CCSER1: variants seen among roughly 807,000 people sequenced by gnomAD.
CCSER1 encodes serine-rich coiled-coil domain-containing protein 1.
Under a neutral mutation model 82.0 loss-of-function variants are expected in CCSER1, and 41 were observed. The observed-to-expected ratio is 0.50, with a 90% CI of 0.39 to 0.65. The LOEUF is 0.65. Ranked by LOEUF, CCSER1 falls within the 30% of genes least tolerant of loss-of-function variation. CCSER1 has a pLI of 0.00. For missense variants in CCSER1, 1,119 were observed against 1,064.2 expected (o/e 1.05, Z -0.72); for synonymous variants, 414 against 383.9 (o/e 1.08, Z -0.92).
At chr4:91,514,081 A>G (rs115579414) in intron 10 of CCSER1, among the ~76,000 whole-genome samples, 206 of 152,062 alleles carry the variant, frequency 1.4e-3, no homozygotes, top group Middle Eastern at 3.4e-3. Context: ...TGACTTTTTA[A>G]TTAGGCATTT....
chr4:90,177,315 C>T (rs950212140), intron 1 of CCSER1, among the ~76,000 whole-genome samples: 1 of 151,996 alleles, frequency 6.6e-6, no homozygotes, highest in South Asian at 2.1e-4. Context: ...GTGAAAATAC[C>T]AGTTGTAGCA....
rs533430521 is a variant in CCSER1, at chr4:90,768,996, G to T, written c.2010+45005G>T. On this transcript the variant is annotated intron_variant, in intron 7 of 10. Transcript: ENST00000509176. ...AAGATCAAATTCAGAGTACTTCCAGGAAAATGTAGTCCAAAAATGAAAGTG... is the reference window on the plus strand; with the variant it reads ...AAGATCAAATTCAGAGTACTTCCAGTAAAATGTAGTCCAAAAATGAAAGTG... Among the ~76,000 whole-genome samples, 20 of 152,204 alleles carry T rather than the reference G, an allele frequency of 1.3e-4. No homozygotes were observed. In the East Asian group the frequency reaches 3.7e-3, roughly 28 times the overall value.
chr4:90,621,514 C>G (rs1396212087), intron 5 of CCSER1, among the ~76,000 whole-genome samples: 2 of 151,034 alleles, frequency 1.3e-5, no homozygotes, highest in African/African-American at 4.9e-5. Flanking sequence ...TGAGACTTGC[C>G]ATTTGTTTTT....
intron 10 of CCSER1, among the ~76,000 whole-genome samples, chr4:91,472,810 A>C (rs977062136): frequency 6.6e-6 from 1 of 152,198 alleles, no homozygotes; most frequent in Non-Finnish European, 1.5e-5. Context: ...GACTCTCATA[A>C]AAAATCATTA....
intron 10 of CCSER1, among the ~76,000 whole-genome samples, chr4:91,215,159 G>A (rs1737141253): frequency 6.6e-6 from 1 of 151,974 alleles, no homozygotes; most frequent in South Asian, 2.1e-4. Flanking sequence ...CCTATATATG[G>A]TGAGCCTTGA....
intron 10 of CCSER1, among the ~76,000 whole-genome samples, chr4:91,549,513 G>A (rs377134532): frequency 4.0e-5 from 6 of 151,898 alleles, no homozygotes; most frequent in East Asian, 1.9e-4. Flanking sequence ...GGGGAGATGC[G>A]ATGCATTCAA....
intron 6 of CCSER1, among the ~76,000 whole-genome samples, chr4:90,629,408 A>G (rs1304454232): frequency 2.0e-5 from 3 of 152,184 alleles, no homozygotes; most frequent in African/African-American, 7.2e-5. Context: ...GCAGAAGGCG[A>G]TGAAGGAGCA....
chr4:90,825,336 A>T (rs1330503584), intron 8 of CCSER1, among the ~76,000 whole-genome samples: 1 of 152,244 alleles, frequency 6.6e-6, no homozygotes, highest in African/African-American at 2.4e-5. Flanking sequence ...AATTTATTAT[A>T]TAAGCTATGT....
intron 1 of CCSER1, among the ~76,000 whole-genome samples, chr4:90,308,013 C>A (rs1371306111): frequency 6.6e-6 from 1 of 152,120 alleles, no homozygotes; most frequent in African/African-American, 2.4e-5. Context: ...TTAAATATTT[C>A]TGTTAATCTT....
intron 10 of CCSER1, among the ~76,000 whole-genome samples, chr4:91,097,066 T>C (rs1048736732): frequency 1.3e-5 from 2 of 152,174 alleles, no homozygotes; most frequent in Non-Finnish European, 2.9e-5. Context: ...TCCTTCCCAG[T>C]GTCCAGCCGG....
intron 8 of CCSER1, among the ~76,000 whole-genome samples, chr4:90,834,841 A>G (rs965680929): frequency 6.6e-6 from 1 of 152,200 alleles, no homozygotes; most frequent in African/African-American, 2.4e-5. Flanking sequence ...CTTTTCTCGT[A>G]CAGAATACTT....
chr4:91,210,497 G>A (rs563890454), intron 10 of CCSER1, among the ~76,000 whole-genome samples: 2 of 150,038 alleles, frequency 1.3e-5, no homozygotes, highest in South Asian at 4.2e-4. Context: ...TTGGAAGTGA[G>A]ACAAATCAAA....
chr4:90,500,876 AG>A (rs1483765755), intron 5 of CCSER1, among the ~76,000 whole-genome samples: 5 of 152,140 alleles, frequency 3.3e-5, no homozygotes, highest in Non-Finnish European at 7.3e-5. Flanking sequence ...TATTTTTCTA[AG>A]TAAAATATAT....
At chr4:91,341,829 A>G (rs1338730195) in intron 10 of CCSER1, among the ~76,000 whole-genome samples, 2 of 152,218 alleles carry the variant, frequency 1.3e-5, no homozygotes, top group Non-Finnish European at 2.9e-5. Flanking sequence ...GAACCACCGC[A>G]CTTGGCCTAG....
At chr4:91,505,588 A>G (rs1352414730) in intron 10 of CCSER1, among the ~76,000 whole-genome samples, 1 of 152,200 alleles carries the variant, frequency 6.6e-6, no homozygotes, top group Non-Finnish European at 1.5e-5. Context: ...CTATTTCTCC[A>G]CAGCCTTGCC....
chr4:91,003,976 A>C (rs1013517467), intron 9 of CCSER1, among the ~76,000 whole-genome samples: 1 of 152,136 alleles, frequency 6.6e-6, no homozygotes, highest in Non-Finnish European at 1.5e-5. Flanking sequence ...ATCTTCTTCC[A>C]TGATCTAGAC....
intron 9 of CCSER1, among the ~76,000 whole-genome samples, chr4:90,961,278 C>T (rs185341129): frequency 6.6e-6 from 1 of 152,234 alleles, no homozygotes; most frequent in African/African-American, 2.4e-5. Flanking sequence ...CTTCCCAGTT[C>T]CAGTATAGAC....
intron 8 of CCSER1, among the ~76,000 whole-genome samples, chr4:90,891,358 G>A (rs757131991): frequency 1.3e-5 from 2 of 151,250 alleles, no homozygotes; most frequent in African/African-American, 2.4e-5. Context: ...ACTCAATTTT[G>A]TGTTTTCATT....
intron 10 of CCSER1, among the ~76,000 whole-genome samples, chr4:91,313,325 G>T (rs565600119): frequency 6.6e-6 from 1 of 151,598 alleles, no homozygotes; most frequent in Admixed American, 6.6e-5. Flanking sequence ...CTTTTTGAAA[G>T]GCTTTTCACC....
Sources: allele counts gnomAD v4.1 joint callset (sites outside exome capture counted in the v4.1 genomes callset), GRCh38; gene constraint gnomAD v4.1.1; transcripts MANE v1.5; gene names NCBI Gene and HGNC (gene_info 2026-07-23, HGNC 2026-07-21).